TBC1D22A: variants seen among roughly 807,000 people sequenced by gnomAD.
TBC1D22A encodes putative GTPase activator.
Under a neutral mutation model 60.2 loss-of-function variants are expected in TBC1D22A, and 38 were observed. The observed-to-expected ratio is 0.63, with a 90% CI of 0.49 to 0.83. The LOEUF is 0.83. TBC1D22A is among the 40% of genes least tolerant of loss of function. The pLI, the probability that TBC1D22A is intolerant of heterozygous loss-of-function variation, is 0.00. For missense variants in TBC1D22A, 628 were observed against 701.0 expected, an observed-to-expected ratio of 0.90 and a Z score of 1.18; for synonymous variants, 302 against 281.7, an observed-to-expected ratio of 1.07 and a Z score of -0.72.
chr22:46,883,404 T>C (rs558451150), intron 5 of TBC1D22A, among the ~76,000 whole-genome samples: 31 of 152,386 alleles, frequency 2.0e-4, no homozygotes, highest in African/African-American at 6.3e-4. Context: ...TACTTGAATG[T>C]ATTTCATTTG....
intron 8 of TBC1D22A, among the ~76,000 whole-genome samples, chr22:46,949,132 GA>G (rs2072738004): frequency 1.3e-5 from 2 of 152,212 alleles, no homozygotes; most frequent in Admixed American, 1.3e-4. Context: ...CTTTGTTCAA[GA>G]GACTGATTGT....
intron 11 of TBC1D22A, among the ~76,000 whole-genome samples, chr22:47,096,495 T>C (rs902401572): frequency 6.6e-6 from 1 of 152,302 alleles, no homozygotes; most frequent in Admixed American, 6.5e-5. Context: ...AGTTTAAAAT[T>C]TGGGGGTAGT....
At chr22:47,037,312 C>T (rs1181685072) in intron 11 of TBC1D22A, 114 bp downstream of exon 11, 5 of 1,440,646 alleles carry the variant, frequency 3.5e-6, no homozygotes, top group Non-Finnish European at 4.7e-6. Context: ...CAAGCGCTCT[C>T]TCCATTGAAA....
At chr22:46,884,088 T>G (rs1159178297) in intron 5 of TBC1D22A, among the ~76,000 whole-genome samples, 2 of 152,084 alleles carry the variant, frequency 1.3e-5, no homozygotes, top group South Asian at 2.1e-4. Flanking sequence ...TGGACGAACA[T>G]TCCGCCCTCG....
At chr22:47,074,277 C>G (rs2064117256) in intron 11 of TBC1D22A, among the ~76,000 whole-genome samples, 1 of 152,242 alleles carries the variant, frequency 6.6e-6, no homozygotes, top group African/African-American at 2.4e-5. Context: ...ACCGATGGAG[C>G]TGCTAGCTGA....
intron 8 of TBC1D22A, among the ~76,000 whole-genome samples, chr22:46,930,930 A>G (rs940482744): frequency 1.1e-4 from 17 of 152,290 alleles, no homozygotes; most frequent in African/African-American, 4.1e-4. Context: ...ACTTTACCGT[A>G]TATCTCCCTA....
chr22:46,816,071 C>T (rs1198480887), intron 4 of TBC1D22A, among the ~76,000 whole-genome samples: 1 of 152,190 alleles, frequency 6.6e-6, no homozygotes. Context: ...CACTCACACC[C>T]TTGGGATAGG....
At chr22:46,935,907 A>G (rs1198777595) in intron 8 of TBC1D22A, among the ~76,000 whole-genome samples, 1 of 149,494 alleles carries the variant, frequency 6.7e-6, no homozygotes, top group African/African-American at 2.5e-5. Flanking sequence ...CCTCCTCTGA[A>G]CTCTGAACCC....
At chr22:47,048,970 A>G (rs2063115716) in intron 11 of TBC1D22A, among the ~76,000 whole-genome samples, 1 of 152,246 alleles carries the variant, frequency 6.6e-6, no homozygotes, top group East Asian at 1.9e-4. Context: ...GAAGAAATCC[A>G]AAAAGGAAAC....
rs1215982629 is a variant in TBC1D22A at position 47,009,655 on chromosome 22, TCAC to T, written c.1201+11949_1201+11951del. Among the ~76,000 whole-genome samples, 3 of 151,720 alleles carry T rather than the reference TCAC, an allele frequency of 2.0e-5. No homozygotes were observed. Among genetic ancestry groups the T allele is most frequent in the African/African-American group, 7.3e-5 (3 of 41,260 alleles). ...TTCATCACCGTCATCATTACCATCA[TCAC>T]CATCATCATCACTATCACCAGCATC... On this transcript the variant is annotated intron_variant, in intron 10 of 12. Coordinates refer to ENST00000337137, the MANE Select transcript of TBC1D22A (RefSeq NM_014346.5). The surrounding 1 kb of genome is among the most constrained non-coding windows in gnomAD (Gnocchi z 5.8).
At chr22:47,158,689 G>C (rs1471879264) in intron 12 of TBC1D22A, among the ~76,000 whole-genome samples, 1 of 152,102 alleles carries the variant, frequency 6.6e-6, no homozygotes, top group African/African-American at 2.4e-5. Flanking sequence ...ACACAGCTCT[G>C]GTTTCTTCGG....
intron 1 of TBC1D22A, among the ~76,000 whole-genome samples, chr22:46,779,875 C>G: frequency 6.6e-6 from 1 of 152,266 alleles, no homozygotes; most frequent in Non-Finnish European, 1.5e-5. Flanking sequence ...GTGTGGGTGT[C>G]GGGGCGGGAC....
chr22:47,070,254 C>T (rs1227070311), intron 11 of TBC1D22A, among the ~76,000 whole-genome samples: 1 of 149,082 alleles, frequency 6.7e-6, no homozygotes, highest in East Asian at 2.1e-4. Flanking sequence ...CAGGCTGTTC[C>T]CTGTTGTTTG....
At chr22:46,906,969 G>T (rs2069526827) in intron 7 of TBC1D22A, among the ~76,000 whole-genome samples, 2 of 152,072 alleles carry the variant, frequency 1.3e-5, no homozygotes, top group South Asian at 2.1e-4. Flanking sequence ...TGTGTGTGTA[G>T]ATTGGTGCAC....
intron 4 of TBC1D22A, among the ~76,000 whole-genome samples, chr22:46,802,117 GC>G (rs1449125718): frequency 1.3e-5 from 2 of 152,242 alleles, no homozygotes; most frequent in African/African-American, 4.8e-5. Flanking sequence ...CATGAGACCT[GC>G]CCTGCAGGGT....
rs1209129325 is a variant in TBC1D22A at position 47,095,363 on chromosome 22, A to G, written c.1330-16145A>G. 4.6e-5 allele frequency among the ~76,000 whole-genome samples: 7 copies of G among 152,370 alleles called. No homozygotes were observed. The East Asian group carries it at 5.8e-4, about 13-fold the overall frequency. On this transcript the variant is annotated intron_variant, in intron 11 of 12. Coordinates refer to ENST00000337137, the MANE Select transcript of TBC1D22A (RefSeq NM_014346.5). Reference sequence around the variant, plus strand: ...GTTTTTATTTCGTGCCAAAAATTATAAGGAAAATCGAACAATGCAATTAAA... The same window carrying G: ...GTTTTTATTTCGTGCCAAAAATTATGAGGAAAATCGAACAATGCAATTAAA...
At chr22:46,804,205 G>C (rs988077210) in intron 4 of TBC1D22A, among the ~76,000 whole-genome samples, 6 of 152,058 alleles carry the variant, frequency 3.9e-5, no homozygotes, top group Admixed American at 2.6e-4. Flanking sequence ...GCTTGCCCCC[G>C]GCCTTGGCCC....
intron 8 of TBC1D22A, among the ~76,000 whole-genome samples, chr22:46,947,137 C>T (rs2072596955): frequency 6.6e-6 from 1 of 152,002 alleles, no homozygotes; most frequent in Admixed American, 6.5e-5. Flanking sequence ...CTGAAGAGTG[C>T]TGTGAATCGG....
At chr22:46,821,770 A>G (rs972193834) in intron 4 of TBC1D22A, among the ~76,000 whole-genome samples, 4 of 151,930 alleles carry the variant, frequency 2.6e-5, no homozygotes, top group Non-Finnish European at 4.4e-5. Flanking sequence ...TCCCGAATTT[A>G]CATGTTGGCC....
Sources: gnomAD v4.1 joint callset for allele counts (sites outside exome capture counted in the v4.1 genomes callset) on GRCh38, gnomAD v4.1.1 for gene constraint, Gnocchi (gnomAD v3.1) non-coding constraint, MANE v1.5 for transcripts, NCBI Gene and HGNC (gene_info 2026-07-23, HGNC 2026-07-21) for gene names.